Variants in ACBD6 observed in about 807,000 individuals in gnomAD.
ACBD6 encodes acyl-CoA binding domain containing 6.
A neutral mutation model predicts 37.2 loss-of-function variants in ACBD6; 28 were observed. That is an observed-to-expected ratio of 0.75 (90% CI 0.56 to 1.03). The LOEUF is 1.03. Among genes scored for constraint, ACBD6 ranks in the 50% least tolerant of loss-of-function variants. The probability of loss-of-function intolerance (pLI) is 0.00; values close to 1 mark genes in which losing one functional copy is unlikely to be tolerated. For missense variants in ACBD6, 340 were observed against 337.4 expected (o/e 1.01, Z -0.06); for synonymous variants, 113 against 126.8 (o/e 0.89, Z 0.73).
intron 7 of ACBD6, among the ~76,000 whole-genome samples, chr1:180,311,017 A>G (rs188154921): frequency 3.9e-5 from 6 of 152,290 alleles, no homozygotes. Context: ...ACTAACTTTC[A>G]AGGATGTTTG....
At chr1:180,286,545 T>C (rs1343915727), downstream of ACBD6, among the ~76,000 whole-genome samples, 4 of 152,198 alleles carry the variant, frequency 2.6e-5, no homozygotes, top group Non-Finnish European at 5.9e-5. Flanking sequence ...CTATAACTAA[T>C]GTATGTTTCT....
At chr1:180,309,200 T>A (rs900238167) in intron 7 of ACBD6, among the ~76,000 whole-genome samples, 1 of 152,354 alleles carries the variant, frequency 6.6e-6, no homozygotes, top group East Asian at 1.9e-4. Flanking sequence ...TACACCGTGC[T>A]ACACCTTAAC....
At chr1:180,312,223 C>T (rs1650621562) in intron 7 of ACBD6, among the ~76,000 whole-genome samples, 1 of 152,070 alleles carries the variant, frequency 6.6e-6, no homozygotes, top group South Asian at 2.1e-4. Flanking sequence ...GATTATTTCT[C>T]CTTCTACTTA....
At chr1:180,306,145 G>A (rs1358363704) in intron 7 of ACBD6, among the ~76,000 whole-genome samples, 2 of 151,714 alleles carry the variant, frequency 1.3e-5, no homozygotes, top group Non-Finnish European at 1.5e-5. Context: ...TATACCTAAT[G>A]TTAAATGATG....
intron 7 of ACBD6, among the ~76,000 whole-genome samples, chr1:180,299,996 A>G (rs1481655137): frequency 1.3e-5 from 2 of 152,142 alleles, no homozygotes; most frequent in Non-Finnish European, 2.9e-5. Context: ...ACAGTAGTAG[A>G]ATACCGGCCT....
chr1:180,339,896 G>C (rs1294659816), intron 6 of ACBD6, among the ~76,000 whole-genome samples: 2 of 151,894 alleles, frequency 1.3e-5, no homozygotes, highest in Admixed American at 1.3e-4. Flanking sequence ...GGGCAGATTG[G>C]GTATCAACTT....
chr1:180,396,625 G>A (rs575840388), intron 6 of ACBD6, among the ~76,000 whole-genome samples: 4 of 152,098 alleles, frequency 2.6e-5, no homozygotes, highest in African/African-American at 4.8e-5. Flanking sequence ...TTTAAAATGG[G>A]CAAAGACTTA....
At chr1:180,380,265 AAAAACAAAACAAAAC>A (rs1445344033) in intron 6 of ACBD6, among the ~76,000 whole-genome samples, 2 of 123,536 alleles carry the variant, frequency 1.6e-5, no homozygotes, top group Non-Finnish European at 3.9e-5. Context: ...AAACAAAAAC[AAAAACAAAACAAAAC>A]AAACAAACAA....
At chr1:180,452,518 C>A (rs1231479788) in intron 3 of ACBD6, among the ~76,000 whole-genome samples, 1 of 151,484 alleles carries the variant, frequency 6.6e-6, no homozygotes, top group Non-Finnish European at 1.5e-5. Context: ...ACTAGAGAAG[C>A]AAGAGCAAAC....
chr1:180,361,705 T>C (rs894301827), intron 6 of ACBD6, among the ~76,000 whole-genome samples: 3 of 152,158 alleles, frequency 2.0e-5, no homozygotes, highest in Non-Finnish European at 2.9e-5. Context: ...ATGCCTATAA[T>C]GGGGTAAAAC....
At chr1:180,489,848 G>A (rs1651421032) in intron 3 of ACBD6, among the ~76,000 whole-genome samples, 1 of 151,884 alleles carries the variant, frequency 6.6e-6, no homozygotes, top group Non-Finnish European at 1.5e-5. Flanking sequence ...TAGTAGAGAC[G>A]GGATTTCACC....
At chr1:180,404,191 T>C (rs1647507514) in intron 5 of ACBD6, among the ~76,000 whole-genome samples, 1 of 152,126 alleles carries the variant, frequency 6.6e-6, no homozygotes, top group East Asian at 1.9e-4. Context: ...CCTCAGGTGA[T>C]CTGCCCACCT....
At chr1:180,458,660 T>TA (rs36011579) in intron 3 of ACBD6, among the ~76,000 whole-genome samples, 22 of 151,896 alleles carry the variant, frequency 1.4e-4, no homozygotes, top group Non-Finnish European at 4.4e-5. Flanking sequence ...CAGCGTGAGT[T>TA]AAAAAAAGGC....
At chr1:180,327,985 T>C (rs1309315770) in intron 6 of ACBD6, among the ~76,000 whole-genome samples, 1 of 152,232 alleles carries the variant, frequency 6.6e-6, no homozygotes, top group Non-Finnish European at 1.5e-5. Context: ...CTCCAAATTG[T>C]GTGCCTCATC....
chr1:180,460,386 C>T (rs758854860), intron 3 of ACBD6, among the ~76,000 whole-genome samples: 6 of 151,908 alleles, frequency 3.9e-5, no homozygotes, highest in South Asian at 2.1e-4. Flanking sequence ...GTCGCAGAAA[C>T]GGTACCCCAG....
At chr1:180,282,549 T>C (rs1329836373) in intron 8 of ACBD6, among the ~76,000 whole-genome samples, 2 of 152,182 alleles carry the variant, frequency 1.3e-5, no homozygotes, top group Non-Finnish European at 2.9e-5. Context: ...AAAACAAACA[T>C]CCATAAAGTT....
intron 3 of ACBD6, among the ~76,000 whole-genome samples, chr1:180,484,147 T>G (rs746846337): frequency 3.3e-5 from 5 of 152,184 alleles, no homozygotes; most frequent in Non-Finnish European, 5.9e-5. Flanking sequence ...ACCTCATGGC[T>G]CAGGGCATTC....
intron 6 of ACBD6, among the ~76,000 whole-genome samples, chr1:180,323,706 C>T (rs1651159220): frequency 1.3e-5 from 2 of 151,982 alleles, no homozygotes; most frequent in South Asian, 4.1e-4. Context: ...TCTGATATAA[C>T]TATAGCTACT....
intron 3 of ACBD6, among the ~76,000 whole-genome samples, chr1:180,481,858 A>G (rs1464549489): frequency 6.6e-6 from 1 of 152,212 alleles, no homozygotes; most frequent in Non-Finnish European, 1.5e-5. Flanking sequence ...TGAACTTTGT[A>G]GGTGGTAAAT....
Sources: allele counts gnomAD v4.1 joint callset (sites outside exome capture counted in the v4.1 genomes callset), GRCh38; gene constraint gnomAD v4.1.1; transcripts MANE v1.5; gene names NCBI Gene and HGNC (gene_info 2026-07-23, HGNC 2026-07-21).